Variants in DEFB119 observed in about 807,000 individuals in gnomAD.
The protein encoded by DEFB119 is defensin beta 119.
DEFB119 carries 3 observed loss-of-function variants against 2.5 expected under a neutral mutation model. That is an observed-to-expected ratio of 1.19 (90% CI 0.54 to 3.07). The LOEUF (loss-of-function observed/expected upper bound fraction) is 3.07. DEFB119 is among the 30% of genes most tolerant of loss of function. The pLI is 0.03. For missense variants in DEFB119, 113 were observed against 101.1 expected (o/e 1.12, Z -0.50); for synonymous variants, 29 against 33.7 (o/e 0.86, Z 0.48).
chr20:31,377,364 T>C lies in DEFB119; in HGVS notation c.137A>G (p.Tyr46Cys), dbSNP rs373413869. The C allele has an allele frequency of 6.2e-6, 10 of 1,614,074 alleles. No homozygotes were observed. In the African/African-American group the frequency reaches 1.3e-4, roughly 22 times the overall value. ...GGACTGACAATTTCTGCAATAGAGG[T>C]AGGGCTGTTCGTTCTTTTTGCAAGA... is the stretch of plus-strand genomic sequence containing the variant. ...RASCKKNEQPYLYCRNCQSCC... is the reference protein window; with the variant it reads ...RASCKKNEQPCLYCRNCQSCC... The change falls in exon 2 of 2, where the codon TAC (tyrosine) becomes TGC (cysteine). Residue 46 changes from tyrosine (Y) to cysteine (C), a missense_variant. Physicochemically the swap from Tyr to Cys is radical, Grantham distance 194. Transcript: ENST00000376321.
intron 1 of DEFB119, among the ~76,000 whole-genome samples, chr20:31,377,828 TC>T (rs1986358381): frequency 6.6e-6 from 1 of 151,410 alleles, no homozygotes; most frequent in Non-Finnish European, 1.5e-5. Flanking sequence ...AGACATAGAG[TC>T]CCAAGAAAAG....
chr20:31,386,899 C>T (rs866657579), intron 1 of DEFB119, among the ~76,000 whole-genome samples: 4 of 147,130 alleles, frequency 2.7e-5, no homozygotes, highest in African/African-American at 5.1e-5. Flanking sequence ...CTGCAAGCTC[C>T]GCCTCCCGGG....
intron 1 of DEFB119, chr20:31,388,890 C>T (rs189306146): frequency 2.0e-6 from 3 of 1,471,130 alleles, no homozygotes; most frequent in Admixed American, 4.2e-5. Flanking sequence ...TCTCGACTAG[C>T]TCTTCACCTC....
At chr20:31,383,632 G>A (rs1989600) in intron 1 of DEFB119, among the ~76,000 whole-genome samples, 35,716 of 150,586 alleles carry the variant, frequency 0.24, 5,108 homozygotes, top group African/African-American at 0.38. Context: ...TCAGGAGATC[G>A]AGACCATCCT....
chr20:31,387,842 C>T (rs933996924), intron 1 of DEFB119, among the ~76,000 whole-genome samples: 10 of 152,134 alleles, frequency 6.6e-5, no homozygotes, highest in African/African-American at 2.4e-4. Flanking sequence ...GGGCATATTC[C>T]CCTTGCTCCT....
chr20:31,382,097 T>C (rs1430578845), intron 1 of DEFB119, among the ~76,000 whole-genome samples: 1 of 152,212 alleles, frequency 6.6e-6, no homozygotes, highest in Admixed American at 6.5e-5. Context: ...CATAGAAGTA[T>C]ACACATATAT....
At chr20:31,388,302 C>A (rs543092249) in intron 1 of DEFB119, 1 of 985,424 alleles carries the variant, frequency 1.0e-6, no homozygotes, top group African/African-American at 1.7e-5. Flanking sequence ...CAATAGGTGA[C>A]GACATTTGTT....
intron 1 of DEFB119, among the ~76,000 whole-genome samples, chr20:31,389,498 C>A (rs2122319784): frequency 6.6e-6 from 1 of 152,218 alleles, no homozygotes; most frequent in South Asian, 2.1e-4. Context: ...CAACTTCCTA[C>A]TCCTTACTTT....
intron 1 of DEFB119, among the ~76,000 whole-genome samples, chr20:31,383,206 G>A (rs1986563729): frequency 6.6e-6 from 1 of 152,152 alleles, no homozygotes; most frequent in South Asian, 2.1e-4. Context: ...ATTGAATCAT[G>A]GGAGTAGGTT....
intron 1 of DEFB119, among the ~76,000 whole-genome samples, chr20:31,381,830 T>A (rs1481179252): frequency 2.6e-5 from 4 of 151,528 alleles, no homozygotes; most frequent in Non-Finnish European, 5.9e-5. Context: ...AAGAGCATAA[T>A]GCTGAGCCAA....
chr20:31,381,218 A>T (rs949940753), intron 1 of DEFB119, among the ~76,000 whole-genome samples: 1 of 152,216 alleles, frequency 6.6e-6, no homozygotes, highest in African/African-American at 2.4e-5. Flanking sequence ...GCACATGTTC[A>T]TTGCTATTAT....
chr20:31,387,852 T>C (rs542489111), intron 1 of DEFB119, among the ~76,000 whole-genome samples: 1 of 152,222 alleles, frequency 6.6e-6, no homozygotes, highest in Admixed American at 6.5e-5. Context: ...CCCTTGCTCC[T>C]AGCAACTCCT....
chr20:31,388,635 A>G (rs189007715), intron 1 of DEFB119, among the ~76,000 whole-genome samples: 1 of 152,296 alleles, frequency 6.6e-6, no homozygotes, highest in Non-Finnish European at 1.5e-5. Flanking sequence ...TAGAACCCCA[A>G]GGATTTGGGT....
intron 1 of DEFB119, among the ~76,000 whole-genome samples, chr20:31,381,425 C>T (rs1439369489): frequency 6.6e-6 from 1 of 152,216 alleles, no homozygotes; most frequent in East Asian, 1.9e-4. Context: ...GCATGCCTTT[C>T]ATTTCCTTTT....
intron 1 of DEFB119, among the ~76,000 whole-genome samples, chr20:31,383,398 G>A (rs1307585310): frequency 1.3e-5 from 2 of 151,876 alleles, no homozygotes; most frequent in African/African-American, 4.8e-5. Flanking sequence ...ACAAAAATTA[G>A]CCAGGCATAG....
At chr20:31,381,475 AG>A (rs1444940808) in intron 1 of DEFB119, among the ~76,000 whole-genome samples, 1 of 152,240 alleles carries the variant, frequency 6.6e-6, no homozygotes. Flanking sequence ...CAGAACTAAA[AG>A]GAACGAATTA....
chr20:31,390,395 C>A (rs1986887875), intron 1 of DEFB119, 28 bp downstream of exon 1: 1 of 1,605,372 alleles, frequency 6.2e-7, no homozygotes, highest in African/African-American at 1.3e-5. Flanking sequence ...GACCAGGAAC[C>A]CAGACCCCCG....
At chr20:31,383,239 A>G (rs991736765) in intron 1 of DEFB119, among the ~76,000 whole-genome samples, 5 of 152,134 alleles carry the variant, frequency 3.3e-5, no homozygotes, top group African/African-American at 1.2e-4. Flanking sequence ...TTCTTGGGAT[A>G]GTGAATAAGT....
intron 1 of DEFB119, among the ~76,000 whole-genome samples, chr20:31,383,621 G>T (rs1276926033): frequency 6.6e-6 from 1 of 151,080 alleles, no homozygotes; most frequent in Non-Finnish European, 1.5e-5. Context: ...AGATCAAGAG[G>T]TCAGGAGATC....
Sources: allele counts gnomAD v4.1 joint callset (sites outside exome capture counted in the v4.1 genomes callset), GRCh38; gene constraint gnomAD v4.1.1; transcripts MANE v1.5; gene names NCBI Gene and HGNC (gene_info 2026-07-23, HGNC 2026-07-21).